Variants in GRIK2 observed in about 807,000 individuals in gnomAD.
GRIK2 encodes the protein glutamate receptor ionotropic, kainate 2.
In GRIK2, 32 loss-of-function variants were observed where a neutral mutation model predicts 100.3. The ratio of observed to expected loss-of-function variants is 0.32; its 90% confidence interval spans 0.24 to 0.43. GRIK2 has a LOEUF of 0.43. Among genes scored for constraint, GRIK2 ranks in the 20% least tolerant of loss-of-function variants. GRIK2 has a pLI of 1.00. For missense variants in GRIK2, 843 were observed against 1,114.9 expected (o/e 0.76, Z 3.47); for synonymous variants, 417 against 389.4 (o/e 1.07, Z -0.83).
chr6:101,698,860 T>C (rs1772681444), intron 7 of GRIK2, among the ~76,000 whole-genome samples: 2 of 152,290 alleles, frequency 1.3e-5, no homozygotes, highest in South Asian at 4.1e-4. Flanking sequence ...ATTTATCTAC[T>C]TTTTGTTTAG....
At chr6:101,823,562 C>T (rs1006701223) in intron 10 of GRIK2, among the ~76,000 whole-genome samples, 1 of 151,954 alleles carries the variant, frequency 6.6e-6, no homozygotes, top group Non-Finnish European at 1.5e-5. Context: ...ATTAATGGAA[C>T]TAGAACTATT....
At chr6:101,443,216 C>T (rs2128246794) in intron 2 of GRIK2, among the ~76,000 whole-genome samples, 1 of 152,140 alleles carries the variant, frequency 6.6e-6, no homozygotes, top group East Asian at 1.9e-4. Flanking sequence ...AATAAACATC[C>T]TATGTATAGG....
At chr6:101,747,864 G>T (rs200889564) in intron 7 of GRIK2, among the ~76,000 whole-genome samples, 5,774 of 152,132 alleles carry the variant, frequency 0.038, 201 homozygotes, top group East Asian at 0.12. Context: ...TTTATCTTTG[G>T]GTATTATTTC....
intron 2 of GRIK2, among the ~76,000 whole-genome samples, chr6:101,468,833 T>G (rs1206418235): frequency 2.0e-5 from 3 of 152,166 alleles, no homozygotes; most frequent in African/African-American, 7.2e-5. Context: ...AGGTTCCTCA[T>G]GATAATAACA....
At chr6:102,063,624 A>AT (rs1771862513) in intron 16 of GRIK2, among the ~76,000 whole-genome samples, 2 of 150,834 alleles carry the variant, frequency 1.3e-5, no homozygotes, top group Admixed American at 6.6e-5. Flanking sequence ...TTATAAAAAT[A>AT]TATCTTTTAA....
intron 4 of GRIK2, 121 bp from the exon 5 acceptor site, chr6:101,676,502 C>A: frequency 1.7e-6 from 1 of 599,680 alleles, no homozygotes; most frequent in East Asian, 3.0e-5. Flanking sequence ...ACCTATGTAA[C>A]CACAAAAATT....
intron 7 of GRIK2, among the ~76,000 whole-genome samples, chr6:101,710,417 G>A (rs1348453941): frequency 6.6e-6 from 1 of 151,850 alleles, no homozygotes; most frequent in Non-Finnish European, 1.5e-5. Flanking sequence ...GATCAAATGT[G>A]ACCATGTTTA....
chr6:102,033,377 C>T (rs546157233), intron 14 of GRIK2, among the ~76,000 whole-genome samples: 187 of 151,486 alleles, frequency 1.2e-3, no homozygotes, highest in African/African-American at 4.4e-3. Flanking sequence ...AACTGTCCAG[C>T]ATGCTCTTGC....
Position 101,913,088 on chromosome 6 carries a change from G to A in GRIK2, c.1749-11513G>A, listed in dbSNP as rs1003996058. Among the ~76,000 whole-genome samples the A allele has an allele frequency of 5.7e-4, 86 of 151,502 alleles. 3 individuals carry two copies. ...ACAAAATAAATCTGCTCAAGAAGTA[G>A]ATCACAAAAAAGACAGGTAGACTGG... On this transcript the variant is annotated intron_variant, in intron 12 of 16. Coordinates refer to ENST00000369134, the MANE Select transcript of GRIK2 (RefSeq NM_021956.5).
At chr6:102,041,799 T>TA (rs36035681) in intron 15 of GRIK2, among the ~76,000 whole-genome samples, 32 of 148,726 alleles carry the variant, frequency 2.2e-4, no homozygotes, top group East Asian at 2.0e-3. Flanking sequence ...TTTAGAAAAT[T>TA]AAAAAAAAAA....
At chr6:101,970,540 A>G (rs9498768) in intron 14 of GRIK2, among the ~76,000 whole-genome samples, 1 of 151,946 alleles carries the variant, frequency 6.6e-6, no homozygotes, top group Non-Finnish European at 1.5e-5. Context: ...GCAGACATTT[A>G]TAGGACAGGG....
chr6:102,060,504 G>T (rs2252866), intron 16 of GRIK2, among the ~76,000 whole-genome samples: 57,809 of 150,390 alleles, frequency 0.38, 11,438 homozygotes, highest in Middle Eastern at 0.47. Flanking sequence ...ATGAAAACAG[G>T]TTGTTTACAG....
intron 2 of GRIK2, among the ~76,000 whole-genome samples, chr6:101,505,089 C>A (rs1455190360): frequency 2.0e-5 from 3 of 149,062 alleles, no homozygotes; most frequent in Non-Finnish European, 3.0e-5. Flanking sequence ...TTTTACTTGT[C>A]ATTAAGTTTA....
In GRIK2 at chr6:101,696,909, T is replaced by C. The variant is rs1047743694; in HGVS notation, c.951+10556T>C. On this transcript the variant is annotated intron_variant, in intron 7 of 16. Coordinates refer to ENST00000369134, the MANE Select transcript of GRIK2 (RefSeq NM_021956.5). ...ATTTTTTGCTTCATTTTTAACCTTA[T>C]AGAATTTCACACCAGTTTTGGGTAA... Among the ~76,000 whole-genome samples the C allele has an allele frequency of 3.9e-5, 6 of 152,008 alleles. No homozygotes were observed. In the South Asian group the frequency reaches 8.3e-4, roughly 21 times the overall value.
At chr6:101,425,836 G>T (rs1305114502) in intron 2 of GRIK2, among the ~76,000 whole-genome samples, 3 of 152,176 alleles carry the variant, frequency 2.0e-5, no homozygotes, top group African/African-American at 7.2e-5. Context: ...TTCCTGAGGA[G>T]AGTTCTGTCC....
At chr6:101,394,076 G>C (rs1024585671) in intron 1 of GRIK2, among the ~76,000 whole-genome samples, 2 of 152,192 alleles carry the variant, frequency 1.3e-5, no homozygotes, top group African/African-American at 4.8e-5. Context: ...GGCTCTGTTG[G>C]CTGCAGTCGC....
At position 101,652,270 on chromosome 6, in the gene GRIK2, C is replaced by T. The variant is rs1317504934; in HGVS notation, c.542-24353C>T. Among the ~76,000 whole-genome samples, 3 of 152,150 alleles carry T rather than the reference C, an allele frequency of 2.0e-5. No homozygotes were observed. The South Asian group carries it at 6.2e-4, about 32-fold the overall frequency. On this transcript the variant is annotated intron_variant, in intron 4 of 16. Transcript: ENST00000369134. ...AGTAATTAGGTCATGAAGGTGGAGC[C>T]CTCATGAATGGAATTAGTGTCCTTA...
intron 11 of GRIK2, among the ~76,000 whole-genome samples, chr6:101,873,542 G>A (rs1010615787): frequency 6.6e-6 from 1 of 151,894 alleles, no homozygotes; most frequent in African/African-American, 2.4e-5. Flanking sequence ...TGTGAATAGT[G>A]CCACAATAAA....
chr6:102,045,670 A>G (rs2114471559), intron 15 of GRIK2, among the ~76,000 whole-genome samples: 1 of 152,236 alleles, frequency 6.6e-6, no homozygotes, highest in East Asian at 1.9e-4. Context: ...AAACACAATC[A>G]TAATAAACAA....
Sources: allele counts gnomAD v4.1 joint callset (sites outside exome capture counted in the v4.1 genomes callset), GRCh38; gene constraint gnomAD v4.1.1; transcripts MANE v1.5; gene names NCBI Gene and HGNC (gene_info 2026-07-23, HGNC 2026-07-21).